The following LARP4B variants were observed in gnomAD, a reference collection of about 807,000 sequenced individuals.
The protein encoded by LARP4B is la-related protein 4B.
Under a neutral mutation model 89.8 loss-of-function variants are expected in LARP4B, and 12 were observed. The ratio of observed to expected loss-of-function variants is 0.13; its 90% CI spans 0.09 to 0.22. The LOEUF (loss-of-function observed/expected upper bound fraction) is 0.22. LARP4B is among the 10% of genes least tolerant of loss of function. The pLI is 1.00. For missense variants in LARP4B, 757 were observed against 947.7 expected (o/e 0.80, Z 2.64); for synonymous variants, 367 against 363.3 (o/e 1.01, Z -0.12).
the LARP4B span, among the ~76,000 whole-genome samples, chr10:966,161 AAAG>A: frequency 2.0e-5 from 3 of 152,140 alleles, no homozygotes; most frequent in Admixed American, 6.6e-5. Context: ...AGAAGGAGAA[AAAG>A]AAGAAGGAGG....
intron 3 of LARP4B, among the ~76,000 whole-genome samples, chr10:882,019 C>A (rs1252447661): frequency 1.3e-5 from 2 of 152,140 alleles, no homozygotes; most frequent in African/African-American, 4.8e-5. Context: ...CAGAAGGGAA[C>A]AGAATGTGGA....
At chr10:894,129 T>C (rs1337607147) in intron 1 of LARP4B, among the ~76,000 whole-genome samples, 1 of 152,174 alleles carries the variant, frequency 6.6e-6, no homozygotes, top group Non-Finnish European at 1.5e-5. Flanking sequence ...GATGGGAGGT[T>C]TCCAAATGGT....
At chr10:918,954 G>A (rs1021225322) in intron 1 of LARP4B, among the ~76,000 whole-genome samples, 1 of 152,004 alleles carries the variant, frequency 6.6e-6, no homozygotes, top group African/African-American at 2.4e-5. Flanking sequence ...GGTGGCGGGC[G>A]CCTGTAGTCC....
At chr10:960,183 G>A in the LARP4B span, among the ~76,000 whole-genome samples, 1 of 152,180 alleles carries the variant, frequency 6.6e-6, no homozygotes, top group Non-Finnish European at 1.5e-5. Context: ...GGAAAAGGCG[G>A]AACTGGGGAT....
At chr10:945,562 C>T in the LARP4B span, among the ~76,000 whole-genome samples, 4 of 152,002 alleles carry the variant, frequency 2.6e-5, no homozygotes, top group Admixed American at 1.3e-4. Context: ...GTGGCGGGCG[C>T]CTGTAGTCCC....
chr10:838,014 T>A (rs1268018335), intron 7 of LARP4B, among the ~76,000 whole-genome samples: 1 of 151,960 alleles, frequency 6.6e-6, no homozygotes, highest in Non-Finnish European at 1.5e-5. Flanking sequence ...TGTACACACA[T>A]ACATCATTGA....
chr10:879,001 C>T (rs1835567769), intron 3 of LARP4B, among the ~76,000 whole-genome samples: 2 of 152,168 alleles, frequency 1.3e-5, no homozygotes, highest in African/African-American at 4.8e-5. Context: ...ACTACTATTA[C>T]ATCTGTCACA....
chr10:831,732 T>C (rs923847744), intron 8 of LARP4B, among the ~76,000 whole-genome samples: 2 of 152,252 alleles, frequency 1.3e-5, no homozygotes, highest in East Asian at 3.8e-4. Context: ...AAAAGGCTGC[T>C]CTGATTCCAC....
chr10:829,812 C>A (rs1832805791), intron 9 of LARP4B, 78 bp from the exon 10 acceptor site: 1 of 922,896 alleles, frequency 1.1e-6, no homozygotes, highest in Non-Finnish European at 1.8e-6. Context: ...CTCAATAGCT[C>A]AAATAGGGAA....
chr10:964,509 T>A, the LARP4B span, among the ~76,000 whole-genome samples: 5 of 152,158 alleles, frequency 3.3e-5, no homozygotes, highest in African/African-American at 1.2e-4. Flanking sequence ...GAAACCAGGA[T>A]GTCAAACGCT....
chr10:845,381 C>A (rs1833723945), intron 5 of LARP4B, among the ~76,000 whole-genome samples: 1 of 152,016 alleles, frequency 6.6e-6, no homozygotes, highest in Non-Finnish European at 1.5e-5. Flanking sequence ...TTTCAAGTAA[C>A]CTACACAAAC....
rs780755841 is a variant in LARP4B, at chr10:863,816, C to T, written c.357G>A (p.Ser119=). The T allele has an allele frequency of 4.2e-5, 67 of 1,613,986 alleles. No homozygotes were observed. Among genetic ancestry groups the T allele is most frequent in the Non-Finnish European group, 5.3e-5 (63 of 1,180,024 alleles). The change falls in exon 5 of 18, where the codon TCG becomes TCA. Residue 119 remains serine (S), a synonymous_variant. Transcript: ENST00000316157. ...CGAGAGCGTTCATGTCTGCTGGGTC[C>T]GACTCCTGCGGGTCTGGCAATGCGG... ...ENAALPDPQE[S]DPADMNALAL...
rs1463742076 is a variant in LARP4B at position 822,296 on chromosome 10, T to C, written c.1485-1451A>G. Among the ~76,000 whole-genome samples, 2 of 152,190 alleles carry C rather than the reference T, an allele frequency of 1.3e-5. No individual in the cohort carries two copies. Among genetic ancestry groups the C allele is most frequent in the Non-Finnish European group, 2.9e-5 (2 of 68,016 alleles). On this transcript the variant is annotated intron_variant, in intron 13 of 17. Transcript: ENST00000316157. This position sits in a 1 kb window ranked among gnomAD's most constrained non-coding sequence, Gnocchi z 4.6. ...ACCTGCTTGCCCAGAGGCATTGCCC[T>C]GAGCGCTGGACAGAGGGACAGCAGC...
Position 822,742 on chromosome 10 carries a change from G to A in LARP4B, c.1485-1897C>T, listed in dbSNP as rs754593249. Among the ~76,000 whole-genome samples, 3 of 152,212 alleles carry A rather than the reference G, an allele frequency of 2.0e-5. No individual in the cohort carries two copies. The highest frequency in any genetic ancestry group is 1.9e-4 in the East Asian group (1 of 5,184). ...CACCCGCGACTCTGAATGCAGTGGT[G>A]TGAAGGCCTGAGACCCTGAAGAGGT... On this transcript the variant is annotated intron_variant, in intron 13 of 17. Coordinates refer to ENST00000316157, the MANE Select transcript of LARP4B (RefSeq NM_015155.3). This position sits in a 1 kb window ranked among gnomAD's most constrained non-coding sequence, Gnocchi z 4.6.
chr10:936,267 G>A (rs1016817555), upstream of LARP4B, among the ~76,000 whole-genome samples: 3 of 152,150 alleles, frequency 2.0e-5, no homozygotes, highest in African/African-American at 7.2e-5. Flanking sequence ...GATGAGGGAT[G>A]GAGGGTGAGG....
rs148438193 is a variant in LARP4B at position 824,385 on chromosome 10, C to A, written c.1484+680G>T. Among the ~76,000 whole-genome samples the A allele has an allele frequency of 2.3e-3, 343 of 152,230 alleles. 2 individuals are homozygous for A. Among genetic ancestry groups the A allele is most frequent in the Non-Finnish European group, 4.3e-3 (290 of 68,010 alleles). On this transcript the variant is annotated intron_variant, in intron 13 of 17. Transcript: ENST00000316157. The stretch of plus-strand genomic sequence containing the variant: ...GTGTGCATTTGAAGTCCTAGCTTCT[C>A]AGCATGCTGAGGCAATAGGATTGCT...
At chr10:896,761 G>A (rs1224016392) in intron 1 of LARP4B, among the ~76,000 whole-genome samples, 2 of 152,012 alleles carry the variant, frequency 1.3e-5, no homozygotes, top group Admixed American at 6.6e-5. Flanking sequence ...GCATAAAGAC[G>A]TCCTTAGACC....
the LARP4B span, among the ~76,000 whole-genome samples, chr10:977,344 G>C: frequency 6.6e-6 from 1 of 151,970 alleles, no homozygotes; most frequent in Non-Finnish European, 1.5e-5. Context: ...TGTAGAGATG[G>C]GATCTCACTG....
intron 14 of LARP4B, 111 bp downstream of exon 14, chr10:820,687 CTT>C: frequency 1.0e-6 from 1 of 968,086 alleles, no homozygotes; most frequent in Non-Finnish European, 1.6e-6. Flanking sequence ...CGTTACAAGT[CTT>C]TTGAAATGCT....
Sources: gnomAD v4.1 joint callset for allele counts (sites outside exome capture counted in the v4.1 genomes callset) on GRCh38, gnomAD v4.1.1 for gene constraint, Gnocchi (gnomAD v3.1) non-coding constraint, MANE v1.5 for transcripts, NCBI Gene and HGNC (gene_info 2026-07-23, HGNC 2026-07-21) for gene names.